The following ZBTB20 variants were observed in gnomAD, a reference collection of about 807,000 sequenced individuals.
The protein encoded by ZBTB20 is zinc finger and BTB domain containing 20, also known as zinc finger and BTB domain-containing protein 20.
ZBTB20 carries 9 observed loss-of-function variants against 56.9 expected under a neutral mutation model. The ratio of observed to expected loss-of-function variants is 0.16; its 90% CI spans 0.10 to 0.28. The LOEUF is 0.28. Ranked by LOEUF, ZBTB20 falls within the 10% of genes least tolerant of loss-of-function variation. The pLI is 1.00. For synonymous variants in ZBTB20, 417 were observed against 420.7 expected (o/e 0.99, Z 0.11); for missense variants, 655 against 1,003.0 (o/e 0.65, Z 4.69).
chr3:114,478,985 AGC>A (rs1004839453), intron 7 of ZBTB20, among the ~76,000 whole-genome samples: 2 of 152,018 alleles, frequency 1.3e-5, no homozygotes, highest in African/African-American at 4.8e-5. Context: ...TGCCAGCTCT[AGC>A]AAGCTCACAG....
chr3:114,941,269 T>C (rs1560421326), intron 3 of ZBTB20, among the ~76,000 whole-genome samples: 2 of 146,148 alleles, frequency 1.4e-5, no homozygotes, highest in Non-Finnish European at 2.9e-5. Context: ...CTTCATTTAG[T>C]TCTTATAATG....
chr3:115,098,620 A>G (rs767646032), intron 1 of ZBTB20, among the ~76,000 whole-genome samples: 9 of 152,192 alleles, frequency 5.9e-5, no homozygotes, highest in Non-Finnish European at 8.8e-5. Context: ...CAAGATAAGC[A>G]AATTGAAAGT....
intron 6 of ZBTB20, among the ~76,000 whole-genome samples, chr3:114,522,049 A>G (rs2046701223): frequency 6.6e-6 from 1 of 152,198 alleles, no homozygotes; most frequent in Non-Finnish European, 1.5e-5. Context: ...CAAAACCGAA[A>G]AAAACCTCAC....
intron 3 of ZBTB20, among the ~76,000 whole-genome samples, chr3:114,916,954 A>C (rs2075768560): frequency 6.6e-6 from 1 of 152,042 alleles, no homozygotes. Flanking sequence ...AAGTTCTCTA[A>C]TACCGTCCTC....
intron 7 of ZBTB20, among the ~76,000 whole-genome samples, chr3:114,467,918 G>A (rs1393230378): frequency 6.6e-6 from 1 of 152,156 alleles, no homozygotes; most frequent in East Asian, 1.9e-4. Context: ...TAAATGCTTG[G>A]ATGGCTTTTA....
At chr3:115,113,437 A>C (rs2083934562) in intron 1 of ZBTB20, among the ~76,000 whole-genome samples, 1 of 152,238 alleles carries the variant, frequency 6.6e-6, no homozygotes, top group African/African-American at 2.4e-5. Context: ...ATAAGATCAA[A>C]GGCAAAGACA....
intron 6 of ZBTB20, among the ~76,000 whole-genome samples, chr3:114,577,528 C>T (rs564073077): frequency 6.6e-6 from 1 of 152,164 alleles, no homozygotes; most frequent in Non-Finnish European, 1.5e-5. Context: ...TGATTAGTTA[C>T]AGAAAGCTAC....
intron 3 of ZBTB20, among the ~76,000 whole-genome samples, chr3:114,970,920 CAGG>C (rs1391634545): frequency 6.6e-6 from 1 of 151,600 alleles, no homozygotes. Flanking sequence ...GAGGCTAAGG[CAGG>C]AGAATAGCAA....
intron 7 of ZBTB20, among the ~76,000 whole-genome samples, chr3:114,393,725 T>C (rs1344241972): frequency 6.6e-6 from 1 of 152,218 alleles, no homozygotes; most frequent in Non-Finnish European, 1.5e-5. Context: ...TTTGAGGGGC[T>C]GCTGATGCCA....
At chr3:114,455,086 AGGAGAGAC>A (rs1380816764) in intron 7 of ZBTB20, among the ~76,000 whole-genome samples, 2 of 149,206 alleles carry the variant, frequency 1.3e-5, no homozygotes, top group African/African-American at 4.9e-5. Flanking sequence ...AGGGAGAGAG[AGGAGAGAC>A]GGAGAGAGAG....
chr3:114,344,956 C>A (rs2080071944), intron 11 of ZBTB20, among the ~76,000 whole-genome samples: 1 of 143,542 alleles, frequency 7.0e-6, no homozygotes, highest in South Asian at 2.4e-4. Flanking sequence ...TCAGAAAACG[C>A]CAAAATATTT....
chr3:114,855,536 G>C (rs935891946), intron 4 of ZBTB20, among the ~76,000 whole-genome samples: 1 of 152,184 alleles, frequency 6.6e-6, no homozygotes, highest in African/African-American at 2.4e-5. Flanking sequence ...ATGTCCGAGT[G>C]ATTCCTGGAA....
chr3:114,703,545 A>C (rs570706059), intron 5 of ZBTB20, among the ~76,000 whole-genome samples: 27 of 152,288 alleles, frequency 1.8e-4, no homozygotes, highest in African/African-American at 6.3e-4. Flanking sequence ...TGAGCAAGAT[A>C]TAACTTGCAA....
chr3:114,442,382 C>T (rs757902479), intron 7 of ZBTB20, among the ~76,000 whole-genome samples: 5 of 152,168 alleles, frequency 3.3e-5, no homozygotes, highest in Non-Finnish European at 5.9e-5. Context: ...GCTACTGTCT[C>T]TCTAGAGGAA....
chr3:114,380,182 C>A, intron 10 of ZBTB20, 35 bp downstream of exon 10: 1 of 1,507,742 alleles, frequency 6.6e-7, no homozygotes, highest in Non-Finnish European at 8.8e-7. Context: ...ACTCCAAGCA[C>A]TGCAAAGACA....
chr3:114,901,934 T>C (rs932082812), intron 3 of ZBTB20, among the ~76,000 whole-genome samples: 1 of 152,120 alleles, frequency 6.6e-6, no homozygotes, highest in African/African-American at 2.4e-5. Flanking sequence ...TTATCTACAA[T>C]AAGCATGACT....
chr3:114,325,449 C>A lies in ZBTB20; in HGVS notation c.*13556G>T, dbSNP rs11720855. ...CAGTGATCTCTCTGTACACTCCTCT[C>A]GGGCCCGGATAGCACATTAGGTATA... On this transcript the variant is annotated 3_prime_UTR_variant, in exon 12 of 12. Transcript: ENST00000675478. 1.3e-5 allele frequency: 2 copies of A among 152,240 alleles called. No homozygotes were observed. The highest frequency in any genetic ancestry group is 4.8e-5 in the African/African-American group (2 of 41,564). 9.4% of individuals were successfully genotyped at this position (152,240 alleles called of 1,614,324 possible). A position where few individuals can be genotyped will look rare whatever the true frequency, so the allele number is the denominator to read the frequency against.
At chr3:115,027,076 T>G (rs1430793333) in intron 2 of ZBTB20, among the ~76,000 whole-genome samples, 1 of 150,964 alleles carries the variant, frequency 6.6e-6, no homozygotes, top group Non-Finnish European at 1.5e-5. Flanking sequence ...ATTCATTTAT[T>G]CATTCCTACA....
chr3:114,998,519 A>C (rs1560477049), intron 2 of ZBTB20, among the ~76,000 whole-genome samples: 1 of 151,780 alleles, frequency 6.6e-6, no homozygotes, highest in African/African-American at 2.4e-5. Context: ...GGGGTGCATA[A>C]CTGAAGAAAG....
Sources: gnomAD v4.1 joint callset for allele counts (sites outside exome capture counted in the v4.1 genomes callset) on GRCh38, gnomAD v4.1.1 for gene constraint, MANE v1.5 for transcripts, NCBI Gene and HGNC (gene_info 2026-07-23, HGNC 2026-07-21) for gene names.